DMTF1: variants seen among roughly 807,000 people sequenced by gnomAD.
DMTF1 encodes cyclin-D-binding Myb-like transcription factor 1.
In DMTF1, 39 loss-of-function variants were observed where a neutral mutation model predicts 91.1. The ratio of observed to expected loss-of-function variants is 0.43; its 90% confidence interval spans 0.33 to 0.56. DMTF1 has a LOEUF of 0.56. Among genes scored for constraint, DMTF1 ranks in the 20% least tolerant of loss-of-function variants. The pLI is 0.05. For synonymous variants in DMTF1, 338 were observed against 309.5 expected (o/e 1.09, Z -0.97); for missense variants, 750 against 914.5 (o/e 0.82, Z 2.32).
chr7:87,165,408 G>A (rs765968), intron 3 of DMTF1, among the ~76,000 whole-genome samples: 128,253 of 152,180 alleles, frequency 0.84, 54,287 homozygotes, highest in Middle Eastern at 0.96. Context: ...AATCATTTCA[G>A]TATGACTTAA....
intron 5 of DMTF1, among the ~76,000 whole-genome samples, chr7:87,171,365 AT>A (rs1249824971): frequency 1.3e-5 from 2 of 152,228 alleles, no homozygotes; most frequent in African/African-American, 4.8e-5. Context: ...TATTTGTTTA[AT>A]AAGATTAACT....
Sources: allele counts gnomAD v4.1 joint callset (sites outside exome capture counted in the v4.1 genomes callset), GRCh38; gene constraint gnomAD v4.1.1; transcripts MANE v1.5; gene names NCBI Gene and HGNC (gene_info 2026-07-23, HGNC 2026-07-21).